TCF20: variants seen among roughly 807,000 people sequenced by gnomAD.
TCF20 encodes the protein transcription factor 20.
TCF20 carries 3 observed loss-of-function variants against 148.6 expected under a neutral mutation model. The ratio of observed to expected loss-of-function variants is 0.02; its 90% CI spans 0.01 to 0.05. The LOEUF is 0.05. Ranked by LOEUF, TCF20 falls within the 10% of genes least tolerant of loss-of-function variation. TCF20 has a pLI of 1.00. For missense variants in TCF20, 2,350 were observed against 2,429.3 expected, an observed-to-expected ratio of 0.97 and a Z score of 0.69; for synonymous variants, 1,049 against 909.5, an observed-to-expected ratio of 1.15 and a Z score of -2.76.
rs377519237 is a variant in TCF20, at chr22:42,211,126, C to T, written c.4180G>A (p.Glu1394Lys). 1.1e-5 allele frequency: 18 copies of T among 1,614,236 alleles called. No individual in the cohort carries two copies. Among genetic ancestry groups the T allele is most frequent in the Non-Finnish European group, 1.5e-5 (18 of 1,180,048 alleles). Residue 1394 changes from glutamate to lysine, a missense_variant, in exon 2 of 6, where the codon GAA becomes AAA. By Grantham distance (56) the Glu-to-Lys change is moderately conservative. Coordinates refer to ENST00000677622, the MANE Select transcript of TCF20 (RefSeq NM_001378418.1). ...DILSLKSGPP[E>K]GGSVAVQDAD... The stretch of plus-strand genomic sequence containing the variant: ...TCCTGAACAGCAACACTCCCACCTT[C>T]AGGAGGACCACTCTTCAAAGACAGT...
intron 5 of TCF20, among the ~76,000 whole-genome samples, chr22:42,162,486 G>A (rs1337822403): frequency 6.6e-6 from 1 of 152,186 alleles, no homozygotes; most frequent in Admixed American, 6.5e-5. Context: ...GCCCACGTAG[G>A]ACAGATGGAT....
At chr22:42,190,441 C>G (rs1040300958) in intron 2 of TCF20, among the ~76,000 whole-genome samples, 6 of 148,592 alleles carry the variant, frequency 4.0e-5, no homozygotes, top group Non-Finnish European at 6.0e-5. Flanking sequence ...GCCTGGATGA[C>G]AGGGCAAGAC....
At chr22:42,186,260 TCA>T (rs1273477474) in intron 2 of TCF20, among the ~76,000 whole-genome samples, 1 of 152,186 alleles carries the variant, frequency 6.6e-6, no homozygotes, top group Non-Finnish European at 1.5e-5. Context: ...ACTGAGGGTG[TCA>T]GCACACGTGT....
chr22:42,323,570 C>A lies in TCF20; in HGVS notation c.-37+19909G>T, dbSNP rs9620038. 2.3e-3 allele frequency among the ~76,000 whole-genome samples: 346 copies of A among 151,758 alleles called. 5 individuals are homozygous for A. Among genetic ancestry groups the A allele is most frequent in the African/African-American group, 7.5e-3 (309 of 41,464 alleles). ...GCCATGCAGGGCTCCAAAGTGAGAG[C>A]TTTCAGGAGGGGATATAGCAAATGC... On this transcript the variant is annotated intron_variant, in intron 1 of 1. Transcript: ENST00000515426.
At chr22:42,230,319 CTTGT>C (rs764071899) in intron 1 of TCF20, among the ~76,000 whole-genome samples, 2 of 152,134 alleles carry the variant, frequency 1.3e-5, no homozygotes, top group African/African-American at 4.8e-5. Flanking sequence ...ATATTACCTC[CTTGT>C]TTATGGTCAT....
At chr22:42,172,955 C>T (rs575860648) in intron 3 of TCF20, among the ~76,000 whole-genome samples, 12 of 152,240 alleles carry the variant, frequency 7.9e-5, no homozygotes, top group East Asian at 5.8e-4. Flanking sequence ...GTGAGGCAGA[C>T]GGCTGTCCCC....
chr22:42,194,742 G>A (rs1203354194), intron 2 of TCF20, among the ~76,000 whole-genome samples: 4 of 152,062 alleles, frequency 2.6e-5, no homozygotes, highest in Non-Finnish European at 5.9e-5. Flanking sequence ...GCAGCAGAGT[G>A]TGGTTCTTGA....
chr22:42,281,172 C>T (rs550223732), intron 1 of TCF20, among the ~76,000 whole-genome samples: 5 of 152,266 alleles, frequency 3.3e-5, no homozygotes, highest in Admixed American at 2.0e-4. Flanking sequence ...AGAATGTGGC[C>T]TGGGCTGGTC....
rs751649256 is a variant in TCF20 at position 42,212,296 on chromosome 22, G to A, written c.3010C>T (p.Arg1004Trp). 5.0e-6 allele frequency: 8 copies of A among 1,614,056 alleles called. No homozygotes were observed. The highest frequency in any genetic ancestry group is 1.1e-5 in the South Asian group (1 of 91,086). Residue 1004 changes from arginine (R) to tryptophan (W), a missense_variant, in exon 2 of 6, where the codon CGG becomes TGG. Transcript: ENST00000677622. ...AAGTCATGATATTGAGAAGGGGACC[G>A]ACCCCTCATGCCCTCCCGACCACCA... ...RVGGREGMRG[R>W]SPSQYHDFAE...
chr22:42,305,545 C>T (rs1927416091), intron 1 of TCF20, among the ~76,000 whole-genome samples: 1 of 152,190 alleles, frequency 6.6e-6, no homozygotes, highest in Non-Finnish European at 1.5e-5. Context: ...TGTTATCTCC[C>T]GAACAGCTGC....
chr22:42,193,459 G>A (rs1183754406), intron 2 of TCF20, among the ~76,000 whole-genome samples: 1 of 151,812 alleles, frequency 6.6e-6, no homozygotes, highest in Admixed American at 6.6e-5. Context: ...TACTTCCTTA[G>A]TAGCTGGGAC....
At chr22:42,243,923 G>C (rs1159489810) in intron 1 of TCF20, among the ~76,000 whole-genome samples, 1 of 152,156 alleles carries the variant, frequency 6.6e-6, no homozygotes. Flanking sequence ...ACAAGTGTTG[G>C]TGATGATGTG....
At chr22:42,185,478 T>C (rs1410968540) in intron 2 of TCF20, among the ~76,000 whole-genome samples, 1 of 152,112 alleles carries the variant, frequency 6.6e-6, no homozygotes, top group Non-Finnish European at 1.5e-5. Context: ...CTGGTGGAGC[T>C]TGGAGAATGT....
chr22:42,265,623 A>G (rs1175155176), intron 1 of TCF20, among the ~76,000 whole-genome samples: 1 of 152,246 alleles, frequency 6.6e-6, no homozygotes, highest in African/African-American at 2.4e-5. Context: ...AAATGAAGAC[A>G]GCAGAGACAA....
intron 1 of TCF20, among the ~76,000 whole-genome samples, chr22:42,256,929 CAAG>C (rs1486635233): frequency 1.3e-5 from 2 of 152,126 alleles, no homozygotes; most frequent in Non-Finnish European, 2.9e-5. Context: ...AAGGCCTAGG[CAAG>C]AAGATTGCTT....
chr22:42,318,686 G>A (rs569271839), intron 1 of TCF20, among the ~76,000 whole-genome samples: 7 of 152,314 alleles, frequency 4.6e-5, no homozygotes, highest in South Asian at 2.1e-4. Flanking sequence ...CAGCCACCAG[G>A]CTGCAGGTGA....
chr22:42,202,837 A>G (rs554846654), intron 2 of TCF20, among the ~76,000 whole-genome samples: 1 of 152,366 alleles, frequency 6.6e-6, no homozygotes, highest in African/African-American at 2.4e-5. Context: ...CATGAAGTTC[A>G]GAAGCCTTGA....
At position 42,334,180 on chromosome 22, in the gene TCF20, G is replaced by A. The variant is rs191561807; in HGVS notation, c.-37+9299C>T. Among the ~76,000 whole-genome samples the A allele has an allele frequency of 1.7e-3, 263 of 152,268 alleles. 3 individuals carry two copies. The highest frequency in any genetic ancestry group is 8.5e-4 in the Non-Finnish European group (58 of 68,008). ...GGTGGCCTTGGGAAATCAGACTGGTGGCAACCTCACCAACAATTTGTAGGC... is the reference window on the plus strand; with the variant it reads ...GGTGGCCTTGGGAAATCAGACTGGTAGCAACCTCACCAACAATTTGTAGGC... On this transcript the variant is annotated intron_variant, in intron 1 of 1. Coordinates refer to the TCF20 transcript ENST00000515426.
chr22:42,234,510 G>A (rs979539088), intron 1 of TCF20, among the ~76,000 whole-genome samples: 1 of 152,142 alleles, frequency 6.6e-6, no homozygotes, highest in African/African-American at 2.4e-5. Context: ...GTTAGGAGGA[G>A]CGGAGGTGAG....
Sources: allele counts gnomAD v4.1 joint callset (sites outside exome capture counted in the v4.1 genomes callset), GRCh38; gene constraint gnomAD v4.1.1; transcripts MANE v1.5; gene names NCBI Gene and HGNC (gene_info 2026-07-23, HGNC 2026-07-21).